PTPRC: variants seen among roughly 807,000 people sequenced by gnomAD.
The protein encoded by PTPRC is receptor-type tyrosine-protein phosphatase C.
In PTPRC, 44 loss-of-function variants were observed where a neutral mutation model predicts 155.9. That is an observed-to-expected ratio of 0.28 (90% CI 0.22 to 0.36). The LOEUF is 0.36. PTPRC is among the 10% of genes least tolerant of loss of function. The pLI is 1.00. For missense variants in PTPRC, 1,401 were observed against 1,564.6 expected, an observed-to-expected ratio of 0.90 and a Z score of 1.76; for synonymous variants, 525 against 533.1, an observed-to-expected ratio of 0.98 and a Z score of 0.21.
intron 12 of PTPRC, among the ~76,000 whole-genome samples, chr1:198,716,051 A>G (rs1032416783): frequency 1.3e-5 from 2 of 152,172 alleles, no homozygotes; most frequent in Admixed American, 6.5e-5. Flanking sequence ...ACTAAACTCA[A>G]AAACATTCCT....
At chr1:198,722,498 T>A in intron 15 of PTPRC, 22 bp downstream of exon 15, 1 of 1,293,810 alleles carries the variant, frequency 7.7e-7, no homozygotes, top group Non-Finnish European at 1.0e-6. Flanking sequence ...CTGGGCTATT[T>A]ATTATATATA....
At position 198,723,028 on chromosome 1, in the gene PTPRC, A is replaced by C. The variant is rs181778365; in HGVS notation, c.1720+552A>C. 1.6e-3 allele frequency among the ~76,000 whole-genome samples: 248 copies of C among 151,602 alleles called. 1 individual carries two copies. The highest frequency in any genetic ancestry group is 5.2e-3 in the African/African-American group (214 of 41,462). Reference sequence around the variant, plus strand: ...TTATAATAATGAAAATAACAGCTGCATGTTACATTCCCCACCCACAATTCT... The same window carrying C: ...TTATAATAATGAAAATAACAGCTGCCTGTTACATTCCCCACCCACAATTCT... On this transcript the variant is annotated intron_variant, in intron 15 of 32. Transcript: ENST00000442510.
chr1:198,686,001 G>A (rs1665603452), intron 2 of PTPRC, among the ~76,000 whole-genome samples: 1 of 151,344 alleles, frequency 6.6e-6, no homozygotes, highest in Non-Finnish European at 1.5e-5. Context: ...TAAAGCCCAA[G>A]TATGTCTTTT....
chr1:198,641,101 T>C (rs1286890578), intron 2 of PTPRC, among the ~76,000 whole-genome samples: 2 of 152,048 alleles, frequency 1.3e-5, no homozygotes, highest in Non-Finnish European at 2.9e-5. Flanking sequence ...CAACTTTATC[T>C]TCAGTTGCTC....
intron 2 of PTPRC, among the ~76,000 whole-genome samples, chr1:198,680,532 T>C (rs1377078377): frequency 6.6e-6 from 1 of 151,886 alleles, no homozygotes; most frequent in Non-Finnish European, 1.5e-5. Context: ...TTCAGAGGAA[T>C]TGATGTAAAG....
At position 198,708,411 on chromosome 1, in the gene PTPRC, G is replaced by T. The variant is rs1653114397; in HGVS notation, c.1033+150G>T. 3 of 719,888 alleles carry T rather than the reference G, an allele frequency of 4.2e-6. No homozygotes were observed. In the South Asian group the frequency reaches 6.6e-5, roughly 16 times the overall value. The allele number at this position is 719,888 out of a possible 1,614,324, so 44.6% of individuals were successfully genotyped here. The stretch of plus-strand genomic sequence containing the variant: ...CTTTTTTCTTTCTTGTCTTTTTCTT[G>T]GTCTGTGGTATATTTAGAGTCAAAT... On this transcript the variant is annotated intron_variant, in intron 10 of 32. Coordinates refer to ENST00000442510, the MANE Select transcript of PTPRC (RefSeq NM_002838.5).
rs1340223635 is a variant in PTPRC at position 198,756,733 on chromosome 1, T to C, written c.*552T>C. On this transcript the variant is annotated 3_prime_UTR_variant, in exon 33 of 33. Coordinates refer to ENST00000442510, the MANE Select transcript of PTPRC (RefSeq NM_002838.5). ...TACTTCTAGAGATAGTACATAAAGG[T>C]GGTATGTGTGTGTATGCTACTACAA... is the stretch of plus-strand genomic sequence containing the variant. The C allele has an allele frequency of 6.6e-6, 1 of 152,594 alleles. No individual in the cohort carries two copies. Among genetic ancestry groups the C allele is most frequent in the Non-Finnish European group, 1.5e-5 (1 of 68,440 alleles). The allele number at this position is 152,594 out of a possible 1,614,324, so 9.5% of individuals were successfully genotyped here.
chr1:198,648,347 G>A (rs773581505), intron 2 of PTPRC, among the ~76,000 whole-genome samples: 7 of 151,694 alleles, frequency 4.6e-5, no homozygotes, highest in Non-Finnish European at 8.8e-5. Context: ...AATTTTCCAA[G>A]GTCACCAGCT....
At chr1:198,644,138 G>T (rs1662801094) in intron 2 of PTPRC, among the ~76,000 whole-genome samples, 2 of 151,500 alleles carry the variant, frequency 1.3e-5, no homozygotes, top group Admixed American at 1.3e-4. Flanking sequence ...TTTTTTTCTA[G>T]ACATCTTATA....
chr1:198,699,394 T>C (rs1666354258), intron 4 of PTPRC, among the ~76,000 whole-genome samples, 170 bp from the exon 5 acceptor site: 1 of 152,248 alleles, frequency 6.6e-6, no homozygotes, highest in Non-Finnish European at 1.5e-5. Flanking sequence ...CTCAGGTGCC[T>C]GTCACTTTCC....
At chr1:198,737,399 C>T (rs1044056415) in intron 23 of PTPRC, among the ~76,000 whole-genome samples, 6 of 151,596 alleles carry the variant, frequency 4.0e-5, no homozygotes, top group Non-Finnish European at 7.4e-5. Context: ...TAGTTTCATT[C>T]TTCCACATAT....
chr1:198,718,757 T>G (rs1448983395), intron 14 of PTPRC, among the ~76,000 whole-genome samples: 1 of 152,136 alleles, frequency 6.6e-6, no homozygotes, highest in Non-Finnish European at 1.5e-5. Flanking sequence ...ACACTCATTA[T>G]CTCACTGTCT....
intron 4 of PTPRC, 109 bp from the exon 5 acceptor site, chr1:198,699,455 T>G: frequency 4.6e-6 from 6 of 1,308,490 alleles, no homozygotes; most frequent in South Asian, 1.2e-5. Flanking sequence ...ATTCAGTTAC[T>G]TCACAGTTTG....
At chr1:198,662,799 A>T (rs1180476762) in intron 2 of PTPRC, among the ~76,000 whole-genome samples, 2 of 152,150 alleles carry the variant, frequency 1.3e-5, no homozygotes, top group Non-Finnish European at 2.9e-5. Flanking sequence ...TGTTCTTTTA[A>T]CATGTCTGCT....
chr1:198,674,172 G>C (rs1022991253), intron 2 of PTPRC, among the ~76,000 whole-genome samples: 5 of 152,130 alleles, frequency 3.3e-5, no homozygotes, highest in Non-Finnish European at 7.3e-5. Flanking sequence ...TTGGCTTAGA[G>C]GTAGTGCCTC....
intron 2 of PTPRC, among the ~76,000 whole-genome samples, chr1:198,654,545 C>A (rs1205325015): frequency 1.3e-5 from 2 of 151,686 alleles, no homozygotes; most frequent in Non-Finnish European, 3.0e-5. Flanking sequence ...TCCTATTTTA[C>A]AATTGTAGCA....
chr1:198,696,976 G>A, intron 4 of PTPRC, 67 bp downstream of exon 4: 1 of 1,358,204 alleles, frequency 7.4e-7, no homozygotes, highest in Non-Finnish European at 1.1e-6. Flanking sequence ...ACAGTTATCA[G>A]TACAACTTGT....
At chr1:198,679,830 G>A (rs930902581) in intron 2 of PTPRC, 10 of 556,700 alleles carry the variant, frequency 1.8e-5, no homozygotes, top group Non-Finnish European at 2.9e-5. Context: ...TGCCGGGAGC[G>A]TCCGGGTCTG....
At chr1:198,692,992 G>C in intron 3 of PTPRC, 1 of 939,708 alleles carries the variant, frequency 1.1e-6, no homozygotes, top group African/African-American at 1.8e-5. Context: ...ATTGCAGATG[G>C]TTAAATATCA....
Sources: allele counts gnomAD v4.1 joint callset (sites outside exome capture counted in the v4.1 genomes callset), GRCh38; gene constraint gnomAD v4.1.1; transcripts MANE v1.5; gene names NCBI Gene and HGNC (gene_info 2026-07-23, HGNC 2026-07-21).